The following WWC2 variants were observed in gnomAD, a reference collection of about 807,000 sequenced individuals.
The protein encoded by WWC2 is protein WWC2.
WWC2 carries 101 observed loss-of-function variants against 138.5 expected under a neutral mutation model. The ratio of observed to expected loss-of-function variants is 0.73; its 90% CI spans 0.62 to 0.86. WWC2 has a LOEUF of 0.86. Ranked by LOEUF, WWC2 falls within the 40% of genes least tolerant of loss-of-function variation. WWC2 has a pLI of 0.00. For missense variants in WWC2, 1,420 were observed against 1,419.4 expected (o/e 1.00, Z -0.01); for synonymous variants, 558 against 538.4 (o/e 1.04, Z -0.50).
rs1461822166 is a variant in WWC2 at position 183,099,338 on chromosome 4, C to G, written c.-154C>G. On this transcript the variant is annotated 5_prime_UTR_variant, in exon 1 of 23. Coordinates refer to ENST00000403733, the MANE Select transcript of WWC2 (RefSeq NM_024949.6). ...GAACAGCGTTTCCTGAGGCACCTCC[C>G]GCGCGTGGTTCCGCCGCGCCCCGCG... 5.7e-6 allele frequency: 4 copies of G among 699,976 alleles called. No homozygotes were observed. The highest frequency in any genetic ancestry group is 1.1e-4 in the East Asian group (2 of 18,298). The allele number at this position is 699,976 out of a possible 1,614,324, so 43.4% of individuals were successfully genotyped here.
chr4:183,165,963 C>T (rs970771135), intron 1 of WWC2, among the ~76,000 whole-genome samples: 6 of 152,176 alleles, frequency 3.9e-5, no homozygotes, highest in Non-Finnish European at 8.8e-5. Flanking sequence ...TAACTTGATA[C>T]ATTTATGTAG....
chr4:183,182,631 A>G (rs1209200188), intron 1 of WWC2, among the ~76,000 whole-genome samples: 3 of 130,706 alleles, frequency 2.3e-5, no homozygotes, highest in Non-Finnish European at 4.8e-5. Context: ...TGAATTATTG[A>G]AATACTTGAG....
chr4:183,245,292 G>C lies in WWC2; in HGVS notation c.603-124G>C, dbSNP rs1431503954. ...AAACTGCCTGAAAAGATGATTGCTG[G>C]TATATGACAGTCAGCAGTGAAATAA... On this transcript the variant is annotated intron_variant, in intron 5 of 22. Transcript: ENST00000403733. 7.3e-6 allele frequency: 5 copies of C among 688,950 alleles called. No homozygotes were observed. In the East Asian group the frequency reaches 1.3e-4, roughly 18 times the overall value. The allele number at this position is 688,950 out of a possible 1,614,324, so 42.7% of individuals were successfully genotyped here.
Position 183,261,086 on chromosome 4 carries a change from TC to T in WWC2, c.1465del (p.Leu489PhefsTer102). 6.2e-7 allele frequency: 1 copy of T among 1,613,962 alleles called. No homozygotes were observed. Among genetic ancestry groups the T allele is most frequent in the Non-Finnish European group, 8.5e-7 (1 of 1,179,882 alleles). ...GTGGATTATCAGTATAAACTGGACT[TC>T]CTTCTGCAAGAGAAAAGCGGTTACA... ...IDVDYQYKLD[F>X]LLQEKSGYIP... is the part of the protein sequence containing the mutation. On this transcript the variant is annotated frameshift_variant, in exon 11 of 23. Transcript: ENST00000403733. LOFTEE classifies it high-confidence loss of function.
rs754082837 is a variant in WWC2, at chr4:183,269,185, A to G, written c.2400+22A>G. The G allele has an allele frequency of 1.8e-5, 28 of 1,546,678 alleles. No individual in the cohort carries two copies. The South Asian group carries it at 2.7e-4, about 15-fold the overall frequency. ...CCTGGTAGGATTCTTCATAATTCCC[A>G]TTACCAAATAGCACTTAGATTGGGT... On this transcript the variant is annotated intron_variant, in intron 15 of 22. Transcript: ENST00000403733.
At chr4:183,235,156 G>C (rs1375304000) in intron 4 of WWC2, among the ~76,000 whole-genome samples, 2 of 152,168 alleles carry the variant, frequency 1.3e-5, no homozygotes, top group Non-Finnish European at 2.9e-5. Context: ...CCATTAAGAA[G>C]ACTCCCCAGT....
chr4:183,188,121 T>C (rs1734869508), intron 1 of WWC2, among the ~76,000 whole-genome samples: 1 of 152,238 alleles, frequency 6.6e-6, no homozygotes, highest in South Asian at 2.1e-4. Context: ...AAAGGGCTCA[T>C]GGCAGGAAGA....
At chr4:183,174,707 C>G (rs1290071808) in intron 1 of WWC2, among the ~76,000 whole-genome samples, 1 of 152,014 alleles carries the variant, frequency 6.6e-6, no homozygotes, top group African/African-American at 2.4e-5. Flanking sequence ...GAATGGACAC[C>G]ATTGTATATA....
Position 183,193,651 on chromosome 4 carries a change from G to C in WWC2, c.184G>C (p.Gly62Arg). 6.2e-7 allele frequency: 1 copy of C among 1,613,900 alleles called. No individual in the cohort carries two copies. The highest frequency in any genetic ancestry group is 1.1e-5 in the South Asian group (1 of 91,056). The change falls in exon 2 of 23, where the codon GGA (glycine) becomes CGA (arginine). Residue 62 changes from glycine (G) to arginine (R), a missense_variant. Coordinates refer to ENST00000403733, the MANE Select transcript of WWC2 (RefSeq NM_024949.6). The part of the protein sequence containing the change: ...ADCVGDELPW[G>R]WEAGFDPQIG... ...TTGTGTTGGGGATGAGCTGCCGTGG[G>C]GATGGGAAGCAGGGTTTGACCCTCA... is the stretch of plus-strand genomic sequence containing the variant.
At chr4:183,289,324 A>C in intron 20 of WWC2, 69 bp from the exon 21 acceptor site, 2 of 1,546,756 alleles carry the variant, frequency 1.3e-6, no homozygotes, top group Non-Finnish European at 1.7e-6. Context: ...TGCGCCAGGA[A>C]GGAGGGGAAG....
At chr4:183,280,551 G>C (rs978237291) in intron 16 of WWC2, among the ~76,000 whole-genome samples, 5 of 152,006 alleles carry the variant, frequency 3.3e-5, no homozygotes, top group African/African-American at 1.2e-4. Flanking sequence ...TTCTACCTGG[G>C]ATCTTGGCCC....
At chr4:183,305,209 A>G (rs1478938968) in intron 21 of WWC2, among the ~76,000 whole-genome samples, 2 of 152,214 alleles carry the variant, frequency 1.3e-5, no homozygotes, top group African/African-American at 2.4e-5. Flanking sequence ...TCAAAACTGC[A>G]TAGCAAAGAG....
chr4:183,216,846 C>T lies in WWC2; in HGVS notation c.522+7821C>T, dbSNP rs980167726. On this transcript the variant is annotated intron_variant, in intron 4 of 22. Coordinates refer to ENST00000403733, the MANE Select transcript of WWC2 (RefSeq NM_024949.6). ...AGTCTAGAGATTTCTAGTAGGGTCTCCTCAAATCTTTGACTGAATACTGAT... is the reference window on the plus strand; with the variant it reads ...AGTCTAGAGATTTCTAGTAGGGTCTTCTCAAATCTTTGACTGAATACTGAT... Among the ~76,000 whole-genome samples the T allele has an allele frequency of 3.3e-5, 5 of 152,156 alleles. No individual in the cohort carries two copies. The East Asian group carries it at 9.6e-4, about 29-fold the overall frequency.
chr4:183,100,017 G>A (rs530563090), intron 1 of WWC2, among the ~76,000 whole-genome samples: 17 of 152,340 alleles, frequency 1.1e-4, no homozygotes, highest in African/African-American at 3.8e-4. Context: ...GCCAGTTGGG[G>A]AACGAGCCCT....
chr4:183,304,997 A>T (rs1347905466), intron 21 of WWC2, among the ~76,000 whole-genome samples: 1 of 152,202 alleles, frequency 6.6e-6, no homozygotes, highest in African/African-American at 2.4e-5. Flanking sequence ...CAAGGGCTAT[A>T]AGGGAAGAAG....
At chr4:183,201,471 G>C (rs1179911024) in intron 2 of WWC2, among the ~76,000 whole-genome samples, 1 of 152,054 alleles carries the variant, frequency 6.6e-6, no homozygotes, top group Non-Finnish European at 1.5e-5. Context: ...ATCACCCAGG[G>C]CTTCTCTTGG....
chr4:183,099,986 G>C (rs1412987123), intron 1 of WWC2, among the ~76,000 whole-genome samples: 1 of 152,222 alleles, frequency 6.6e-6, no homozygotes, highest in Admixed American at 6.5e-5. Flanking sequence ...CTGGGCGGCG[G>C]GGGTGGGCTA....
At chr4:183,176,408 G>C (rs1734468603) in intron 1 of WWC2, among the ~76,000 whole-genome samples, 1 of 151,978 alleles carries the variant, frequency 6.6e-6, no homozygotes, top group Non-Finnish European at 1.5e-5. Flanking sequence ...CCAGAATAAG[G>C]AGATTTTTTA....
intron 16 of WWC2, 46 bp downstream of exon 16, chr4:183,271,287 A>C (rs1331238454): frequency 4.7e-6 from 7 of 1,481,184 alleles, no homozygotes; most frequent in Middle Eastern, 2.0e-4. Flanking sequence ...TGAAATACAT[A>C]TATGAAATAC....
Sources: gnomAD v4.1 joint callset for allele counts (sites outside exome capture counted in the v4.1 genomes callset) on GRCh38, gnomAD v4.1.1 for gene constraint, MANE v1.5 for transcripts, NCBI Gene and HGNC (gene_info 2026-07-23, HGNC 2026-07-21) for gene names.